Variants in ZMAT4 observed in about 807,000 individuals in gnomAD.
The protein encoded by ZMAT4 is zinc finger matrin-type 4.
Under a neutral mutation model 28.7 loss-of-function variants are expected in ZMAT4, and 17 were observed. The observed-to-expected ratio is 0.59, with a 90% confidence interval of 0.41 to 0.89. The LOEUF (loss-of-function observed/expected upper bound fraction) is 0.89. Ranked by LOEUF, ZMAT4 falls within the 40% of genes least tolerant of loss-of-function variation. ZMAT4 has a pLI of 0.00. For synonymous variants in ZMAT4, 117 were observed against 109.2 expected, an observed-to-expected ratio of 1.07 and a Z score of -0.44; for missense variants, 240 against 283.8, an observed-to-expected ratio of 0.85 and a Z score of 1.11.
chr8:40,674,450 G>C, intron 5 of ZMAT4: 1 of 445,440 alleles, frequency 2.2e-6, no homozygotes, highest in South Asian at 3.4e-5. Flanking sequence ...AAACAATCTG[G>C]TTCATGAATG....
At chr8:40,889,475 T>C (rs951041821) in intron 1 of ZMAT4, among the ~76,000 whole-genome samples, 2 of 152,216 alleles carry the variant, frequency 1.3e-5, no homozygotes, top group African/African-American at 4.8e-5. Flanking sequence ...ACATGTTTAC[T>C]GGAGGAAATT....
intron 5 of ZMAT4, among the ~76,000 whole-genome samples, chr8:40,650,140 G>T (rs1279223802): frequency 1.3e-5 from 2 of 152,148 alleles, no homozygotes; most frequent in Non-Finnish European, 2.9e-5. Context: ...TCCAGGAGCT[G>T]GTTTTTTGAA....
chr8:40,659,039 G>A (rs1435875116), intron 5 of ZMAT4, among the ~76,000 whole-genome samples: 3 of 152,144 alleles, frequency 2.0e-5, no homozygotes, highest in Non-Finnish European at 4.4e-5. Flanking sequence ...CGTGGTTGCA[G>A]CAATGGTGAC....
intron 3 of ZMAT4, among the ~76,000 whole-genome samples, chr8:40,742,579 G>A (rs979707093): frequency 6.6e-6 from 1 of 152,080 alleles, no homozygotes; most frequent in African/African-American, 2.4e-5. Flanking sequence ...CAGCAGAAAT[G>A]TACAAACTGA....
chr8:40,797,581 G>A (rs1563490916), intron 2 of ZMAT4, among the ~76,000 whole-genome samples: 2 of 152,210 alleles, frequency 1.3e-5, no homozygotes, highest in African/African-American at 2.4e-5. Context: ...ACAGGGCCCA[G>A]ATATTGTAGC....
intron 2 of ZMAT4, among the ~76,000 whole-genome samples, chr8:40,782,401 A>G (rs566651654): frequency 1.3e-5 from 2 of 152,078 alleles, no homozygotes; most frequent in African/African-American, 2.4e-5. Flanking sequence ...AAGCAAACAA[A>G]CAAACAAACA....
intron 5 of ZMAT4, among the ~76,000 whole-genome samples, chr8:40,586,361 G>A (rs1446542635): frequency 6.6e-6 from 1 of 152,146 alleles, no homozygotes; most frequent in Non-Finnish European, 1.5e-5. Context: ...ATTTCTGCAG[G>A]ATTGCCTAAT....
At chr8:40,724,458 C>A (rs1811238296) in intron 3 of ZMAT4, among the ~76,000 whole-genome samples, 1 of 152,194 alleles carries the variant, frequency 6.6e-6, no homozygotes, top group South Asian at 2.1e-4. Flanking sequence ...ATAAGTACAT[C>A]ATTGGACAAT....
At position 40,656,198 on chromosome 8, in the gene ZMAT4, A is replaced by G. The variant is rs186278535; in HGVS notation, c.577+18506T>C. 2.6e-5 allele frequency among the ~76,000 whole-genome samples: 4 copies of G among 152,250 alleles called. No individual in the cohort carries two copies. In the East Asian group the frequency reaches 5.8e-4, roughly 22 times the overall value. On this transcript the variant is annotated intron_variant, in intron 5 of 6. Coordinates refer to ENST00000297737, the MANE Select transcript of ZMAT4 (RefSeq NM_024645.3). The stretch of plus-strand genomic sequence containing the variant: ...AAATGTTCAATAAACACATGAAAAG[A>G]CACAATCTCATTAGCCATCAGGAAA...
intron 6 of ZMAT4, among the ~76,000 whole-genome samples, chr8:40,544,260 C>A (rs1292814756): frequency 6.6e-6 from 1 of 152,118 alleles, no homozygotes; most frequent in Non-Finnish European, 1.5e-5. Context: ...ATGAAGGAAC[C>A]AAGACCTGAT....
intron 5 of ZMAT4, among the ~76,000 whole-genome samples, chr8:40,638,084 C>T (rs1360852331): frequency 1.3e-5 from 2 of 152,044 alleles, no homozygotes; most frequent in Non-Finnish European, 2.9e-5. Context: ...AAAGAGGAGA[C>T]GTTGGTCAAA....
chr8:40,557,404 C>G (rs143747389), intron 6 of ZMAT4, among the ~76,000 whole-genome samples: 1 of 152,320 alleles, frequency 6.6e-6, no homozygotes, highest in East Asian at 1.9e-4. Context: ...TGTCTTTCCT[C>G]TCTGCATTCC....
rs1563359867 is a variant in ZMAT4, at chr8:40,601,454, AAGGGAGG to A, written c.578-20200_578-20194del. On this transcript the variant is annotated intron_variant, in intron 5 of 6. Coordinates refer to ENST00000297737, the MANE Select transcript of ZMAT4 (RefSeq NM_024645.3). ...GAAGGAAGGAAGGAAGGAAGGAAGG[AAGGGAGG>A]AAGAAAGGAAAGAAAGAAAGAAAGA... is the stretch of plus-strand genomic sequence containing the variant. Among the ~76,000 whole-genome samples, 500 of 88,698 alleles carry A rather than the reference AAGGGAGG, an allele frequency of 5.6e-3. 49 individuals are homozygous for A. The highest frequency in any genetic ancestry group is 0.02 in the South Asian group (44 of 2,232). 58.2% of individuals were successfully genotyped at this position (88,698 alleles called of 152,430 possible).
At chr8:40,631,055 C>A (rs745331863) in intron 5 of ZMAT4, among the ~76,000 whole-genome samples, 1 of 152,008 alleles carries the variant, frequency 6.6e-6, no homozygotes, top group South Asian at 2.1e-4. Flanking sequence ...AGACTAGCCA[C>A]ATTTCAAGTG....
intron 3 of ZMAT4, among the ~76,000 whole-genome samples, chr8:40,762,276 A>T (rs1812975051): frequency 4.6e-5 from 7 of 152,220 alleles, no homozygotes. Flanking sequence ...TACGTAGTTA[A>T]GAAGATGTCA....
intron 5 of ZMAT4, among the ~76,000 whole-genome samples, chr8:40,634,852 G>A (rs540811515): frequency 1.2e-4 from 18 of 152,286 alleles, no homozygotes; most frequent in Middle Eastern, 6.8e-3. Context: ...ATACTGATGC[G>A]TGATTTATTT....
intron 2 of ZMAT4, among the ~76,000 whole-genome samples, chr8:40,785,130 T>C (rs570231423): frequency 1.3e-5 from 2 of 152,362 alleles, no homozygotes; most frequent in Middle Eastern, 3.4e-3. Flanking sequence ...GATACACATA[T>C]GCCTCCCTTT....
At chr8:40,633,091 A>G (rs1186676384) in intron 5 of ZMAT4, among the ~76,000 whole-genome samples, 3 of 126,602 alleles carry the variant, frequency 2.4e-5, no homozygotes, top group Non-Finnish European at 5.4e-5. Flanking sequence ...TGACGAGAAG[A>G]TTACAATTCA....
Position 40,642,110 on chromosome 8 carries a change from G to T in ZMAT4, c.577+32594C>A, listed in dbSNP as rs142317910. On this transcript the variant is annotated intron_variant, in intron 5 of 6. Transcript: ENST00000297737. ...AAATACAGGATGCTCAATTAAATTT[G>T]AATTTTGGATAAATAACAAACAGAT... Among the ~76,000 whole-genome samples, 896 of 152,180 alleles carry T rather than the reference G, an allele frequency of 5.9e-3. 8 individuals are homozygous for T. Among genetic ancestry groups the T allele is most frequent in the African/African-American group, 0.021 (853 of 41,526 alleles).
Sources: allele counts gnomAD v4.1 joint callset (sites outside exome capture counted in the v4.1 genomes callset), GRCh38; gene constraint gnomAD v4.1.1; transcripts MANE v1.5; gene names NCBI Gene and HGNC (gene_info 2026-07-23, HGNC 2026-07-21).